CACNA2D2: variants seen among roughly 807,000 people sequenced by gnomAD.
CACNA2D2 encodes the protein calcium voltage-gated channel auxiliary subunit alpha2delta 2, also known as voltage-dependent calcium channel subunit alpha-2/delta-2.
In CACNA2D2, 48 loss-of-function variants were observed where a neutral mutation model predicts 166.4. That is an observed-to-expected ratio of 0.29 (90% CI 0.23 to 0.37). CACNA2D2 has a LOEUF of 0.37. Ranked by LOEUF, CACNA2D2 falls within the 10% of genes least tolerant of loss-of-function variation. The pLI is 1.00. For missense variants in CACNA2D2, 1,122 were observed against 1,433.0 expected, an observed-to-expected ratio of 0.78 and a Z score of 3.50; for synonymous variants, 561 against 573.7, an observed-to-expected ratio of 0.98 and a Z score of 0.32.
chr3:50,488,299 G>A (rs1210679385), intron 1 of CACNA2D2, among the ~76,000 whole-genome samples: 1 of 152,188 alleles, frequency 6.6e-6, no homozygotes, highest in Non-Finnish European at 1.5e-5. Flanking sequence ...TGGATGGAAG[G>A]GCAGTGAGAC....
At position 50,501,482 on chromosome 3, in the gene CACNA2D2, G is replaced by A. The variant is rs567047165; in HGVS notation, c.206+1736C>T. Among the ~76,000 whole-genome samples, 32 of 150,638 alleles carry A rather than the reference G, an allele frequency of 2.1e-4. 1 individual carries two copies. The highest frequency in any genetic ancestry group is 6.8e-4 in the African/African-American group (28 of 40,916). ...TCGACAACAGCGTCCAGCTGGAAGT[G>A]TGTCGCTGCCGTCACACCCGCCTCG... On this transcript the variant is annotated intron_variant, in intron 1 of 37. Coordinates refer to ENST00000424201, the MANE Select transcript of CACNA2D2 (RefSeq NM_006030.4).
chr3:50,473,645 G>A (rs562817088), intron 2 of CACNA2D2, among the ~76,000 whole-genome samples: 18 of 152,330 alleles, frequency 1.2e-4, no homozygotes, highest in Non-Finnish European at 2.2e-4. Context: ...TACATGGACC[G>A]TCTTCGTGTG....
At chr3:50,425,247 A>G (rs1707752531) in intron 3 of CACNA2D2, among the ~76,000 whole-genome samples, 1 of 152,124 alleles carries the variant, frequency 6.6e-6, no homozygotes, top group Non-Finnish European at 1.5e-5. Flanking sequence ...CAGTACTCCC[A>G]TCTCAGCAGA....
At position 50,380,008 on chromosome 3, in the gene CACNA2D2, C is replaced by T; in HGVS notation, c.853G>A (p.Gly285Arg). 6.2e-7 allele frequency: 1 copy of T among 1,614,072 alleles called. No homozygotes were observed. Among genetic ancestry groups the T allele is most frequent in the Non-Finnish European group, 8.5e-7 (1 of 1,180,036 alleles). ...ACCATGTCTTTGGGTGACGAGGCCC[C>T]CTGGATATACCTGCCCAGGAGATGC... ...DVRRRPWYIQ[G>R]ASSPKDMVII... The change falls in exon 9 of 38, where the codon GGG (glycine) becomes AGG (arginine). Residue 285 changes from glycine (G) to arginine (R), a missense_variant. Around this residue, in one of 2 missense-constraint regions of CACNA2D2, gnomAD observed 840 missense variants for 1,166.8 expected, o/e 0.72. Coordinates refer to ENST00000424201, the MANE Select transcript of CACNA2D2 (RefSeq NM_006030.4). The surrounding 1 kb of genome is among the most constrained non-coding windows in gnomAD (Gnocchi z 4.9).
intron 2 of CACNA2D2, among the ~76,000 whole-genome samples, chr3:50,470,781 G>A (rs1019506407): frequency 6.6e-6 from 1 of 151,828 alleles, no homozygotes; most frequent in African/African-American, 2.4e-5. Flanking sequence ...AGGCCGGGTT[G>A]GGGGGGACAC....
Position 50,476,181 on chromosome 3 carries a change from C to CCGGG in CACNA2D2, c.221_224dup (p.Arg76ProfsTer22), listed in dbSNP as rs768577385. The CCGGG allele has an allele frequency of 6.3e-7, 1 of 1,595,870 alleles. No individual in the cohort carries two copies. The highest frequency in any genetic ancestry group is 1.1e-5 in the South Asian group (1 of 88,272). On this transcript the variant is annotated frameshift_variant, in exon 2 of 38. Transcript: ENST00000424201. LOFTEE classifies it high-confidence loss of function. ...CGCCGTCGACCTCCTGCTCCAGACG[C>CCGGG]CGGGCCCAGTGCTGCATCCTGTATG...
chr3:50,384,289 G>T lies in CACNA2D2; in HGVS notation c.559C>A (p.Leu187Ile). The change falls in exon 6 of 38, where the codon CTA becomes ATA. Residue 187 changes from leucine to isoleucine, a missense_variant. By Grantham distance (5) the Leu-to-Ile change is conservative. Coordinates refer to ENST00000424201, the MANE Select transcript of CACNA2D2 (RefSeq NM_006030.4). ...GGGTCCTCGATGAAGTCCAGCCTTAGGGTGCTGGCCTTAGACCCCCTTTCC... is the reference window on the plus strand; with the variant it reads ...GGGTCCTCGATGAAGTCCAGCCTTATGGTGCTGGCCTTAGACCCCCTTTCC... ...DVERGSKAST[L>I]RLDFIEDPNF... 6.2e-7 allele frequency: 1 copy of T among 1,614,170 alleles called. No individual in the cohort carries two copies. Among genetic ancestry groups the T allele is most frequent in the Non-Finnish European group, 8.5e-7 (1 of 1,180,002 alleles).
chr3:50,432,202 G>A lies in CACNA2D2; in HGVS notation c.405+2111C>T, dbSNP rs147278322. Among the ~76,000 whole-genome samples the A allele has an allele frequency of 1.4e-4, 22 of 152,140 alleles. No individual in the cohort carries two copies. The East Asian group carries it at 4.3e-3, about 30-fold the overall frequency. On this transcript the variant is annotated intron_variant, in intron 3 of 37. Coordinates refer to ENST00000424201, the MANE Select transcript of CACNA2D2 (RefSeq NM_006030.4). ...CTATCGGAGTTGATTGTTCCTTTAG[G>A]GGTGGGGGAAGTGGCTTGGAAAGAG...
At chr3:50,495,141 T>C (rs186298581) in intron 1 of CACNA2D2, among the ~76,000 whole-genome samples, 1 of 152,198 alleles carries the variant, frequency 6.6e-6, no homozygotes, top group South Asian at 2.1e-4. Flanking sequence ...CCTTCCCCCA[T>C]CTTGGGCCTC....
At chr3:50,476,237 TGCCCAGAGC>T (rs761874635) in intron 1 of CACNA2D2, 38 bp from the exon 2 acceptor site, 91 of 1,513,356 alleles carry the variant, frequency 6.0e-5, no homozygotes, top group Non-Finnish European at 7.9e-5. Flanking sequence ...CAGGAGGGCC[TGCCCAGAGC>T]TGCACAGCCC....
At position 50,365,283 on chromosome 3, in the gene CACNA2D2, T is replaced by C. The variant is rs1704182755; in HGVS notation, c.3098+73A>G. 8.7e-6 allele frequency: 12 copies of C among 1,380,050 alleles called. No homozygotes were observed. The South Asian group carries it at 1.3e-4, about 15-fold the overall frequency. 85.5% of individuals were successfully genotyped at this position (1,380,050 alleles called of 1,614,324 possible). On this transcript the variant is annotated intron_variant, in intron 35 of 37. Coordinates refer to ENST00000424201, the MANE Select transcript of CACNA2D2 (RefSeq NM_006030.4). The surrounding 1 kb of genome is among the most constrained non-coding windows in gnomAD (Gnocchi z 4.5). Reference sequence around the variant, plus strand: ...CCGGCCGCTCGGAGGCCCCGCCCCTTCCATCCTCCCGAGCGTCTCGCCCCG... The same window carrying C: ...CCGGCCGCTCGGAGGCCCCGCCCCTCCCATCCTCCCGAGCGTCTCGCCCCG...
Position 50,367,133 on chromosome 3 carries a change from G to C in CACNA2D2, c.2402-24C>G, listed in dbSNP as rs202084154. Reference sequence around the variant, plus strand: ...GGCTGGGGGTTGGGTGGGGAAGTCAGGAGTGGGGTCTGGCGGCCACACTGA... The same window carrying C: ...GGCTGGGGGTTGGGTGGGGAAGTCACGAGTGGGGTCTGGCGGCCACACTGA... On this transcript the variant is annotated intron_variant, in intron 27 of 37. Coordinates refer to ENST00000424201, the MANE Select transcript of CACNA2D2 (RefSeq NM_006030.4). This position sits in a 1 kb window ranked among gnomAD's most constrained non-coding sequence, Gnocchi z 6.5. 3.7e-5 allele frequency: 59 copies of C among 1,582,440 alleles called. No homozygotes were observed. In the Admixed American group the frequency reaches 4.9e-4, roughly 13 times the overall value.
At position 50,495,998 on chromosome 3, in the gene CACNA2D2, T is replaced by C. The variant is rs148915149; in HGVS notation, c.206+7220A>G. On this transcript the variant is annotated intron_variant, in intron 1 of 37. Transcript: ENST00000424201. ...TGCAGACTGTCATCACGCCAGTTGG[T>C]AGAAGATCAAACTTTCCAGCTCAGC... is the stretch of plus-strand genomic sequence containing the variant. Among the ~76,000 whole-genome samples, 51 of 152,330 alleles carry C rather than the reference T, an allele frequency of 3.3e-4. No homozygotes were observed. In the South Asian group the frequency reaches 4.6e-3, roughly 14 times the overall value.
intron 1 of CACNA2D2, among the ~76,000 whole-genome samples, chr3:50,488,270 T>G (rs536611903): frequency 1.3e-5 from 2 of 152,214 alleles, no homozygotes; most frequent in South Asian, 4.2e-4. Flanking sequence ...CTCAAGTACA[T>G]GGGAGCACCT....
chr3:50,438,187 T>C (rs1008412239), intron 2 of CACNA2D2, among the ~76,000 whole-genome samples: 1 of 152,180 alleles, frequency 6.6e-6, no homozygotes, highest in African/African-American at 2.4e-5. Flanking sequence ...AGGAGTCTGT[T>C]TGGAGCCCCT....
intron 2 of CACNA2D2, among the ~76,000 whole-genome samples, chr3:50,461,340 A>G (rs1042647564): frequency 6.6e-6 from 1 of 152,186 alleles, no homozygotes; most frequent in African/African-American, 2.4e-5. Context: ...TGGACTTCCA[A>G]CCCACCTGAA....
chr3:50,482,716 AG>A (rs1298032907), intron 1 of CACNA2D2, among the ~76,000 whole-genome samples: 1 of 152,208 alleles, frequency 6.6e-6, no homozygotes, highest in Admixed American at 6.5e-5. Flanking sequence ...GGTGGGCTGC[AG>A]CCCCTCTCTG....
chr3:50,402,429 C>A (rs1283467279), intron 3 of CACNA2D2, among the ~76,000 whole-genome samples: 1 of 152,214 alleles, frequency 6.6e-6, no homozygotes, highest in Non-Finnish European at 1.5e-5. Context: ...CAGGTCTCTG[C>A]CTTACCCAGT....
chr3:50,394,668 A>G lies in CACNA2D2; in HGVS notation c.406-500T>C, dbSNP rs576166131. 2.6e-5 allele frequency among the ~76,000 whole-genome samples: 4 copies of G among 152,330 alleles called. No individual in the cohort carries two copies. The South Asian group carries it at 6.2e-4, about 24-fold the overall frequency. On this transcript the variant is annotated intron_variant, in intron 3 of 37. Transcript: ENST00000424201. ...TGAGCCCCTTCCCACAGGGCTCCCA[A>G]GCCCTCTGTCCACAAGAGCCTGTCC...
Sources: gnomAD v4.1 joint callset for allele counts (sites outside exome capture counted in the v4.1 genomes callset) on GRCh38, gnomAD v4.1.1 for gene constraint, gnomAD v4.1.1 regional missense constraint, Gnocchi (gnomAD v3.1) non-coding constraint, MANE v1.5 for transcripts, NCBI Gene and HGNC (gene_info 2026-07-23, HGNC 2026-07-21) for gene names.